SMIM36: variants seen among roughly 807,000 people sequenced by gnomAD.
The protein encoded by SMIM36 is small integral membrane protein 36.
At chr17:55,507,782 T>C (rs1355766698) in intron 1 of SMIM36, among the ~76,000 whole-genome samples, 1 of 151,508 alleles carries the variant, frequency 6.6e-6, no homozygotes, top group African/African-American at 2.4e-5. Context: ...GCTTTGCGCA[T>C]GCGCACTTTA....
rs55879501 is a variant in SMIM36 at position 55,508,431 on chromosome 17, AATATATATATAT to A, written c.*174+2436_*174+2447del. 1.2e-3 allele frequency among the ~76,000 whole-genome samples: 134 copies of A among 114,310 alleles called. 4 individuals are homozygous for A. Among genetic ancestry groups the A allele is most frequent in the Non-Finnish European group, 1.8e-3 (105 of 57,586 alleles). 75.0% of individuals were successfully genotyped at this position (114,310 alleles called of 152,430 possible). Reference sequence around the variant, plus strand: ...CATATTTTATATATATATTCCTAGGAATATATATATATATATATATATATATATATATATATA... The same window carrying A: ...CATATTTTATATATATATTCCTAGGAATATATATATATATATATATATATA... On this transcript the variant is annotated intron_variant, in intron 1 of 4. Transcript: ENST00000636752.
chr17:55,470,080 C>T (rs1490682393), intron 3 of SMIM36, among the ~76,000 whole-genome samples: 3 of 152,172 alleles, frequency 2.0e-5, no homozygotes, highest in Non-Finnish European at 4.4e-5. Context: ...GCTTCAAGTG[C>T]CGGAAATCTG....
chr17:55,518,774 C>T, the SMIM36 span, among the ~76,000 whole-genome samples: 1 of 151,006 alleles, frequency 6.6e-6, no homozygotes, highest in Admixed American at 6.6e-5. Context: ...TGTGAAAGGG[C>T]AAGTGATAAT....
chr17:55,523,612 C>G, the SMIM36 span, among the ~76,000 whole-genome samples: 1 of 151,692 alleles, frequency 6.6e-6, no homozygotes, highest in Non-Finnish European at 1.5e-5. Context: ...CAGAAGAAAC[C>G]AGACCTGCAG....
chr17:55,456,719 T>C (rs1246084523), intron 4 of SMIM36, among the ~76,000 whole-genome samples: 1 of 152,244 alleles, frequency 6.6e-6, no homozygotes, highest in Non-Finnish European at 1.5e-5. Context: ...GTAGGAAGGT[T>C]CAATAAATAT....
chr17:55,515,007 C>T (rs777165264), upstream of SMIM36, among the ~76,000 whole-genome samples: 5 of 148,068 alleles, frequency 3.4e-5, no homozygotes, highest in African/African-American at 4.9e-5. Flanking sequence ...GGCACAGGGA[C>T]GTGACTTTCT....
At chr17:55,512,240 C>T (rs983090822), upstream of SMIM36, among the ~76,000 whole-genome samples, 5 of 152,012 alleles carry the variant, frequency 3.3e-5, no homozygotes, top group African/African-American at 4.8e-5. Context: ...TGTGAAGACC[C>T]GAAGAGAAAG....
intron 3 of SMIM36, among the ~76,000 whole-genome samples, chr17:55,468,989 C>T (rs1215102717): frequency 5.3e-5 from 8 of 152,258 alleles, no homozygotes; most frequent in Non-Finnish European, 1.2e-4. Flanking sequence ...CTTTACACGT[C>T]AGTCCCTCCC....
At chr17:55,458,687 C>T (rs1289703421) in intron 4 of SMIM36, among the ~76,000 whole-genome samples, 1 of 151,824 alleles carries the variant, frequency 6.6e-6, no homozygotes, top group African/African-American at 2.4e-5. Flanking sequence ...AAGAGCATGC[C>T]TCCTCTGCGG....
At chr17:55,502,341 G>A (rs1466103868) in intron 1 of SMIM36, among the ~76,000 whole-genome samples, 6 of 110,668 alleles carry the variant, frequency 5.4e-5, no homozygotes, top group African/African-American at 1.3e-4. Context: ...AGCTTTGAAG[G>A]GAGCAGTGGT....
chr17:55,472,879 AAAG>A (rs374961091), intron 3 of SMIM36, among the ~76,000 whole-genome samples: 58,012 of 134,950 alleles, frequency 0.43, 12,756 homozygotes, highest in South Asian at 0.55. Context: ...AAAAAAAAAA[AAAG>A]AAAAGAAAAG....
chr17:55,510,959 G>A (rs1910170203), exon 1 of SMIM36: 1 of 397,112 alleles, frequency 2.5e-6, no homozygotes, highest in South Asian at 1.4e-4. Flanking sequence ...TCATCAAGCG[G>A]GATACATGTG....
chr17:55,464,749 C>T (rs932721850), intron 4 of SMIM36, among the ~76,000 whole-genome samples: 1 of 152,224 alleles, frequency 6.6e-6, no homozygotes, highest in African/African-American at 2.4e-5. Context: ...AAGCTCTCTC[C>T]ACCTGACAGT....
chr17:55,479,120 CAG>C (rs1351920512), intron 2 of SMIM36, among the ~76,000 whole-genome samples: 1 of 152,206 alleles, frequency 6.6e-6, no homozygotes, highest in Non-Finnish European at 1.5e-5. Context: ...CTTCCAAGGA[CAG>C]AGGATTTCTC....
intron 1 of SMIM36, among the ~76,000 whole-genome samples, chr17:55,502,174 C>A (rs1385203918): frequency 4.9e-5 from 7 of 141,568 alleles, no homozygotes; most frequent in African/African-American, 7.9e-5. Flanking sequence ...CCCAGGCTTG[C>A]TTAGGTAAAC....
At chr17:55,492,628 T>TAAAA (rs57104591) in intron 1 of SMIM36, among the ~76,000 whole-genome samples, 2 of 143,322 alleles carry the variant, frequency 1.4e-5, no homozygotes, top group African/African-American at 5.1e-5. Flanking sequence ...TACACCCACT[T>TAAAA]AAAAAAAAAA....
intron 4 of SMIM36, among the ~76,000 whole-genome samples, chr17:55,454,562 A>G (rs1450001235): frequency 6.6e-6 from 1 of 152,230 alleles, no homozygotes; most frequent in Non-Finnish European, 1.5e-5. Context: ...ATAACCACTC[A>G]TTAACATTTT....
At chr17:55,507,591 G>C (rs1485469950) in intron 1 of SMIM36, among the ~76,000 whole-genome samples, 2 of 104,744 alleles carry the variant, frequency 1.9e-5, no homozygotes, top group Non-Finnish European at 3.8e-5. Context: ...GGTGGGGGGA[G>C]GGGGGAGGGA....
In SMIM36 at chr17:55,468,893, A is replaced by T. The variant is rs1363825493; in HGVS notation, c.*348-1565T>A. ...TAGTTCCAAGTGGCCAGAGAATGGC[A>T]CTTTTGATTTGTCCATCCTACAAGA... is the stretch of plus-strand genomic sequence containing the variant. On this transcript the variant is annotated intron_variant, in intron 3 of 4. Transcript: ENST00000636752. 2.0e-5 allele frequency among the ~76,000 whole-genome samples: 3 copies of T among 152,166 alleles called. No homozygotes were observed. The East Asian group carries it at 5.8e-4, about 29-fold the overall frequency.
Sources: gnomAD v4.1 joint callset for allele counts (sites outside exome capture counted in the v4.1 genomes callset) on GRCh38, gnomAD v4.1.1 for gene constraint, MANE v1.5 for transcripts, NCBI Gene and HGNC (gene_info 2026-07-23, HGNC 2026-07-21) for gene names.